The following FGF14 variants were observed in gnomAD, a reference collection of about 807,000 sequenced individuals.
FGF14 encodes fibroblast growth factor homologous factor 4.
In FGF14, 5 loss-of-function variants were observed where a neutral mutation model predicts 25.5. The ratio of observed to expected loss-of-function variants is 0.20; its 90% CI spans 0.10 to 0.41. FGF14 has a LOEUF of 0.41. Among genes scored for constraint, FGF14 ranks in the 10% least tolerant of loss-of-function variants. The pLI, the probability that FGF14 is intolerant of heterozygous loss-of-function variation, is 1.00. For missense variants in FGF14, 222 were observed against 320.1 expected (o/e 0.69, Z 2.34); for synonymous variants, 138 against 118.3 (o/e 1.17, Z -1.08).
intron 1 of FGF14, among the ~76,000 whole-genome samples, chr13:102,376,989 T>C (rs890441202): frequency 6.6e-6 from 1 of 152,108 alleles, no homozygotes; most frequent in Non-Finnish European, 1.5e-5. Flanking sequence ...CCAACTTCTC[T>C]ACCACCCAAG....
chr13:102,000,548 C>T (rs2039434772), intron 1 of FGF14, among the ~76,000 whole-genome samples: 1 of 152,154 alleles, frequency 6.6e-6, no homozygotes, highest in Non-Finnish European at 1.5e-5. Flanking sequence ...ACATATTCTT[C>T]ACAAGTATGT....
At chr13:102,064,413 G>T (rs772356588) in intron 1 of FGF14, among the ~76,000 whole-genome samples, 1 of 152,006 alleles carries the variant, frequency 6.6e-6, no homozygotes, top group African/African-American at 2.4e-5. Context: ...AATTGAAAAC[G>T]TAACTAAAAA....
intron 3 of FGF14, among the ~76,000 whole-genome samples, chr13:101,764,311 C>T (rs916563533): frequency 3.9e-5 from 6 of 152,172 alleles, no homozygotes; most frequent in African/African-American, 1.4e-4. Flanking sequence ...GCATCTGCTC[C>T]TACTACCCCA....
At chr13:102,179,503 C>T (rs2048581341) in intron 1 of FGF14, among the ~76,000 whole-genome samples, 1 of 152,062 alleles carries the variant, frequency 6.6e-6, no homozygotes, top group African/African-American at 2.4e-5. Context: ...AACACCACCA[C>T]CATCACCAAT....
chr13:101,753,842 G>T (rs1333940595), intron 3 of FGF14, among the ~76,000 whole-genome samples: 2 of 151,850 alleles, frequency 1.3e-5, no homozygotes, highest in East Asian at 3.9e-4. Context: ...TCTCAACAGT[G>T]TAGGAGAGTT....
chr13:102,273,192 C>T (rs1231243812), intron 1 of FGF14, among the ~76,000 whole-genome samples: 1 of 152,134 alleles, frequency 6.6e-6, no homozygotes, highest in Non-Finnish European at 1.5e-5. Context: ...GTGGTTCAAG[C>T]CCGTGCTGAG....
chr13:101,725,014 TACCTC>T (rs2035314976), intron 4 of FGF14, among the ~76,000 whole-genome samples: 2 of 152,126 alleles, frequency 1.3e-5, no homozygotes, highest in East Asian at 1.9e-4. Flanking sequence ...TCCCAAATTT[TACCTC>T]GGTTAAATGA....
intron 1 of FGF14, among the ~76,000 whole-genome samples, chr13:102,207,575 T>C (rs558245591): frequency 4.8e-5 from 7 of 146,666 alleles, no homozygotes; most frequent in African/African-American, 1.5e-4. Flanking sequence ...AATGACATTT[T>C]AACACGTTTT....
At chr13:102,356,484 C>T (rs1004115420) in intron 1 of FGF14, among the ~76,000 whole-genome samples, 1 of 152,206 alleles carries the variant, frequency 6.6e-6, no homozygotes, top group African/African-American at 2.4e-5. Context: ...TGTCAGTCAA[C>T]CACATAGAGT....
Position 102,036,722 on chromosome 13 carries a change from GAAC to G in FGF14, c.209-161429_209-161427del, listed in dbSNP as rs1013778402. ...GGAGGAGGACGAAGAAGAAAAAGAA[GAAC>G]AACAACAACAACAACACATCACACC... On this transcript the variant is annotated intron_variant, in intron 1 of 4. Coordinates refer to the FGF14 transcript ENST00000376131. Among the ~76,000 whole-genome samples, 63 of 152,012 alleles carry G rather than the reference GAAC, an allele frequency of 4.1e-4. 1 individual carries two copies. The highest frequency in any genetic ancestry group is 1.5e-3 in the African/African-American group (61 of 41,510).
At chr13:102,242,640 T>C in intron 1 of FGF14, among the ~76,000 whole-genome samples, 1 of 151,990 alleles carries the variant, frequency 6.6e-6, no homozygotes, top group East Asian at 1.9e-4. Context: ...CCTAATCACC[T>C]CTCATTAGGC....
intron 1 of FGF14, among the ~76,000 whole-genome samples, chr13:102,024,684 C>T (rs541145368): frequency 1.3e-5 from 2 of 151,860 alleles, no homozygotes; most frequent in African/African-American, 4.8e-5. Flanking sequence ...AAAACTTTGC[C>T]TAATTTACTA....
intron 1 of FGF14, among the ~76,000 whole-genome samples, chr13:102,152,413 A>C (rs564074132): frequency 6.6e-6 from 1 of 152,300 alleles, no homozygotes; most frequent in African/African-American, 2.4e-5. Flanking sequence ...GTTTGTAGAC[A>C]CCATTTTCTC....
intron 1 of FGF14, among the ~76,000 whole-genome samples, chr13:102,122,981 A>G (rs1273821185): frequency 6.6e-6 from 1 of 152,164 alleles, no homozygotes; most frequent in Non-Finnish European, 1.5e-5. Context: ...CTGCCAAGTT[A>G]CCTGTAAAAT....
At position 101,722,885 on chromosome 13, in the gene FGF14, A is replaced by G. The variant is rs778684653; in HGVS notation, c.690T>C (p.Ser230=). 1.6e-5 allele frequency: 26 copies of G among 1,613,156 alleles called. No homozygotes were observed. In the Admixed American group the frequency reaches 4.0e-4, roughly 25 times the overall value. The part of the protein sequence containing the change: ...KPGVTPSKST[S]ASAIMNGGKP... ...TGCCTCCATTCATTATTGCAGACGC[A>G]CTTGTGCTTTTACTTGGCGTCACCC... is the stretch of plus-strand genomic sequence containing the variant. Residue 230 remains serine (S), a synonymous_variant, in exon 5 of 5, where the codon AGT becomes AGC. Transcript: ENST00000376143.
chr13:102,317,083 G>A (rs1410101938), intron 1 of FGF14, among the ~76,000 whole-genome samples: 2 of 151,948 alleles, frequency 1.3e-5, no homozygotes, highest in Non-Finnish European at 2.9e-5. Context: ...GATATAGACA[G>A]GCACCGATGT....
intron 1 of FGF14, among the ~76,000 whole-genome samples, chr13:102,082,912 C>G (rs1334514312): frequency 2.0e-5 from 3 of 151,968 alleles, no homozygotes; most frequent in Non-Finnish European, 4.4e-5. Context: ...GAGCCGAGAT[C>G]CCGCCACTGC....
chr13:101,794,455 T>C (rs889471362), intron 3 of FGF14, among the ~76,000 whole-genome samples: 18 of 152,234 alleles, frequency 1.2e-4, no homozygotes, highest in African/African-American at 3.1e-4. Context: ...ACCACTTATG[T>C]ACAACACTGC....
intron 1 of FGF14, among the ~76,000 whole-genome samples, chr13:102,131,057 C>T (rs2046175102): frequency 6.6e-6 from 1 of 152,076 alleles, no homozygotes; most frequent in Admixed American, 6.6e-5. Context: ...GAGTGTGACT[C>T]AAAACTAATT....
Sources: gnomAD v4.1 joint callset for allele counts (sites outside exome capture counted in the v4.1 genomes callset) on GRCh38, gnomAD v4.1.1 for gene constraint, MANE v1.5 for transcripts, NCBI Gene and HGNC (gene_info 2026-07-23, HGNC 2026-07-21) for gene names.